Variants in TCERG1 observed in about 807,000 individuals in gnomAD.
TCERG1 encodes transcription elongation regulator 1.
Under a neutral mutation model 144.7 loss-of-function variants are expected in TCERG1, and 37 were observed. The ratio of observed to expected loss-of-function variants is 0.26; its 90% CI spans 0.20 to 0.34. The LOEUF (loss-of-function observed/expected upper bound fraction) is 0.34, where lower values mean the gene tolerates loss of function less well. TCERG1 is among the 10% of genes least tolerant of loss of function. TCERG1 has a pLI of 1.00. For missense variants in TCERG1, 1,027 were observed against 1,380.7 expected (o/e 0.74, Z 4.06); for synonymous variants, 492 against 458.2 (o/e 1.07, Z -0.94).
intron 14 of TCERG1, 36 bp from the exon 15 acceptor site, chr5:146,483,504 G>A: frequency 6.4e-7 from 1 of 1,565,070 alleles, no homozygotes; most frequent in Non-Finnish European, 8.8e-7. Flanking sequence ...TTTTAGAGGA[G>A]ACTTAATTAT....
At chr5:146,471,653 C>T in intron 9 of TCERG1, 77 bp downstream of exon 9, 1 of 1,268,718 alleles carries the variant, frequency 7.9e-7, no homozygotes. Context: ...GGCTGGAGTG[C>T]AGTGGCACGA....
Position 146,509,212 on chromosome 5 carries a change from C to T in TCERG1, c.3113C>T (p.Thr1038Met), listed in dbSNP as rs781748800. Residue 1038 changes from threonine (T) to methionine (M), a missense_variant, in exon 22 of 23, where the codon ACG becomes ATG. Transcript: ENST00000679501. Reference protein sequence around the residue: ...KYITAKADFRTLLKETKFITY... With the variant: ...KYITAKADFRMLLKETKFITY... ...ATCACAGCCAAAGCTGACTTCAGGACGCTTTTGAAAGAGACCAAATTTATA... is the reference window on the plus strand; with the variant it reads ...ATCACAGCCAAAGCTGACTTCAGGATGCTTTTGAAAGAGACCAAATTTATA... 4 of 1,608,622 alleles carry T rather than the reference C, an allele frequency of 2.5e-6. No homozygotes were observed. Among genetic ancestry groups the T allele is most frequent in the Non-Finnish European group, 3.4e-6 (4 of 1,177,916 alleles).
At position 146,507,102 on chromosome 5, in the gene TCERG1, C is replaced by T. The variant is rs755582139; in HGVS notation, c.2856C>T (p.Ser952=). ...AAGATCACCGCTGGGAATCTGGATC[C>T]TTATTGGAAAGAGAGGAGAAAGAGA... is the stretch of plus-strand genomic sequence containing the variant. The part of the protein sequence containing the change: ...LRKDHRWESG[S]LLEREEKEKL... Residue 952 remains serine, a synonymous_variant, in exon 20 of 23, where the codon TCC becomes TCT. Transcript: ENST00000679501. This position sits in a 1 kb window ranked among gnomAD's most constrained non-coding sequence, Gnocchi z 4.6. 1.2e-6 allele frequency: 2 copies of T among 1,613,448 alleles called. No individual in the cohort carries two copies. The highest frequency in any genetic ancestry group is 3.3e-5 in the Admixed American group (2 of 59,942).
Position 146,478,589 on chromosome 5 carries a change from A to G in TCERG1, c.1698A>G (p.Ala566=). The G allele has an allele frequency of 5.6e-6, 9 of 1,611,494 alleles. No homozygotes were observed. Among genetic ancestry groups the G allele is most frequent in the Non-Finnish European group, 7.6e-6 (9 of 1,179,224 alleles). ...GACCTGATGATCTGATTGGCAGGGC[A>G]GATGTTGACAAAATTATTCAGGAGC... is the stretch of plus-strand genomic sequence containing the variant. ...WDRPDDLIGR[A]DVDKIIQEPP... The change falls in exon 10 of 23, where the codon GCA becomes GCG. Residue 566 remains alanine, a synonymous_variant. Transcript: ENST00000679501.
intron 15 of TCERG1, among the ~76,000 whole-genome samples, chr5:146,485,488 C>G (rs1183797902): frequency 6.6e-6 from 1 of 152,078 alleles, no homozygotes; most frequent in African/African-American, 2.4e-5. Context: ...ATGACGTATT[C>G]CTCCTGGTAC....
At chr5:146,489,162 A>G (rs1766153690) in intron 15 of TCERG1, among the ~76,000 whole-genome samples, 1 of 152,204 alleles carries the variant, frequency 6.6e-6, no homozygotes. Context: ...GGTTAACAAT[A>G]GTAAGTAGTT....
At chr5:146,471,635 G>A (rs962326248) in intron 9 of TCERG1, 59 bp downstream of exon 9, 3 of 1,460,664 alleles carry the variant, frequency 2.1e-6, no homozygotes, top group East Asian at 2.3e-5. Flanking sequence ...GTCTCACTCT[G>A]TCACCAGGGC....
At position 146,463,619 on chromosome 5, in the gene TCERG1, A is replaced by G; in HGVS notation, c.961A>G (p.Thr321Ala). 3 of 1,613,986 alleles carry G rather than the reference A, an allele frequency of 1.9e-6. No homozygotes were observed. Among genetic ancestry groups the G allele is most frequent in the East Asian group, 2.2e-5 (1 of 44,874 alleles). The stretch of plus-strand genomic sequence containing the variant: ...TGCCACGCCTACAGTTAGTGTTTCA[A>G]CTCCTGCTCCTACAGCCACACCTGT... Reference protein sequence around the residue: ...SVATPTVSVSTPAPTATPVQT... With the variant: ...SVATPTVSVSAPAPTATPVQT... The change falls in exon 5 of 23, where the codon ACT becomes GCT. Residue 321 changes from threonine (T) to alanine (A), a missense_variant. Physicochemically the swap from Thr to Ala is moderately conservative, Grantham distance 58. This residue lies in a region of TCERG1 where 187 missense variants were observed against 169.1 expected (regional missense o/e 1.11). Transcript: ENST00000679501.
At position 146,480,099 on chromosome 5, in the gene TCERG1, G is replaced by GT. The variant is rs761620549; in HGVS notation, c.1886+6dup. The GT allele has an allele frequency of 6.3e-7, 1 of 1,581,174 alleles. No homozygotes were observed. Among genetic ancestry groups the GT allele is most frequent in the African/African-American group, 1.4e-5 (1 of 73,264 alleles). ...TGTTAAAGCAAAAAAACGGAAGTAA[G>GT]TAATACATACGATTTGATTGAGGTA... On this transcript the variant is annotated splice_donor_region_variant and intron_variant, in intron 12 of 22. Transcript: ENST00000679501.
At position 146,503,554 on chromosome 5, in the gene TCERG1, T is replaced by C; in HGVS notation, c.2598+15T>C. The C allele has an allele frequency of 6.2e-7, 1 of 1,612,460 alleles. No individual in the cohort carries two copies. Among genetic ancestry groups the C allele is most frequent in the South Asian group, 1.1e-5 (1 of 90,920 alleles). The stretch of plus-strand genomic sequence containing the variant: ...AAATAGCCAAGGTAACTGTTGTGTT[T>C]ACTTGTATTGCTTTCATTGAATAAT... On this transcript the variant is annotated intron_variant, in intron 18 of 22. Transcript: ENST00000679501.
At chr5:146,447,617 C>T (rs1457636522) in intron 1 of TCERG1, among the ~76,000 whole-genome samples, 1 of 152,256 alleles carries the variant, frequency 6.6e-6, no homozygotes, top group South Asian at 2.1e-4. Flanking sequence ...TGCGCGTTCC[C>T]TGGCTGCTTC....
In TCERG1 at chr5:146,511,149, C is replaced by G. The variant is rs1165110077; in HGVS notation, c.*507C>G. 2.0e-5 allele frequency: 3 copies of G among 152,554 alleles called. No homozygotes were observed. The highest frequency in any genetic ancestry group is 4.4e-5 in the Non-Finnish European group (3 of 68,040). The allele number at this position is 152,554 out of a possible 1,614,324, so 9.5% of individuals were successfully genotyped here. On this transcript the variant is annotated 3_prime_UTR_variant, in exon 23 of 23. Coordinates refer to ENST00000679501, the MANE Select transcript of TCERG1 (RefSeq NM_001382548.1). ...ATGGACAATACTTTTACCTTTGTCTCTAAAGATCAGATTAGTTTTATTTGT... is the reference window on the plus strand; with the variant it reads ...ATGGACAATACTTTTACCTTTGTCTGTAAAGATCAGATTAGTTTTATTTGT...
intron 5 of TCERG1, among the ~76,000 whole-genome samples, chr5:146,465,888 C>T (rs559082365): frequency 2.0e-5 from 3 of 151,892 alleles, no homozygotes; most frequent in South Asian, 2.1e-4. Context: ...ATTAGCCGGG[C>T]GTGGTGGTGC....
intron 15 of TCERG1, among the ~76,000 whole-genome samples, chr5:146,488,443 A>G (rs2150652002): frequency 6.6e-6 from 1 of 152,318 alleles, no homozygotes; most frequent in East Asian, 1.9e-4. Context: ...ACATTTCTCA[A>G]AACATACAAA....
chr5:146,498,421 T>G, intron 16 of TCERG1, 115 bp from the exon 17 acceptor site: 1 of 1,088,956 alleles, frequency 9.2e-7, no homozygotes. Flanking sequence ...AGGTAGATGT[T>G]GAGTCCCAGT....
chr5:146,487,606 G>A (rs929694573), intron 15 of TCERG1, among the ~76,000 whole-genome samples: 8 of 151,984 alleles, frequency 5.3e-5, no homozygotes, highest in African/African-American at 1.9e-4. Context: ...GTGGTGTCGT[G>A]CACCTATAGT....
At position 146,479,453 on chromosome 5, in the gene TCERG1, T is replaced by C. The variant is rs114474234; in HGVS notation, c.1763-402T>C. 8.5e-3 allele frequency among the ~76,000 whole-genome samples: 1,301 copies of C among 152,306 alleles called. 15 individuals are homozygous for C. Among genetic ancestry groups the C allele is most frequent in the Admixed American group, 0.019 (285 of 15,296 alleles). On this transcript the variant is annotated intron_variant, in intron 10 of 22. Transcript: ENST00000679501. The stretch of plus-strand genomic sequence containing the variant: ...CTCACCTTCAGCAATACTTGTTTTA[T>C]AGGTATGATAATAATACTTTATAAC...
rs954448902 is a variant in TCERG1 at position 146,454,590 on chromosome 5, GTTGT to G, written c.60-447_60-444del. Reference sequence around the variant, plus strand: ...GTAAGTTTTTTTTTTTGTTTTTTTGGTTGTTTGTTTGTTTGTTTGTTTTTTGAGA... The same window carrying G: ...GTAAGTTTTTTTTTTTGTTTTTTTGGTTGTTTGTTTGTTTGTTTTTTGAGA... On this transcript the variant is annotated intron_variant, in intron 1 of 22. Transcript: ENST00000679501. 1.1e-4 allele frequency among the ~76,000 whole-genome samples: 17 copies of G among 150,944 alleles called. 1 individual carries two copies. Among genetic ancestry groups the G allele is most frequent in the South Asian group, 6.3e-4 (3 of 4,792 alleles).
At chr5:146,483,678 A>C in intron 15 of TCERG1, 49 bp downstream of exon 15, 1 of 1,306,792 alleles carries the variant, frequency 7.7e-7, no homozygotes, top group Non-Finnish European at 1.1e-6. Context: ...TTGCCAACAT[A>C]GTTTTTAAAT....
Sources: gnomAD v4.1 joint callset for allele counts (sites outside exome capture counted in the v4.1 genomes callset) on GRCh38, gnomAD v4.1.1 for gene constraint, gnomAD v4.1.1 regional missense constraint, Gnocchi (gnomAD v3.1) non-coding constraint, MANE v1.5 for transcripts, NCBI Gene and HGNC (gene_info 2026-07-23, HGNC 2026-07-21) for gene names.